Variants in PHRF1 observed in about 807,000 individuals in gnomAD.
PHRF1 encodes PHD and ring finger domains 1, also known as PHD and RING finger domain-containing protein 1.
In PHRF1, 53 loss-of-function variants were observed where a neutral mutation model predicts 128.9. The observed-to-expected ratio is 0.41, with a 90% CI of 0.33 to 0.52. The LOEUF (loss-of-function observed/expected upper bound fraction) is 0.52, where lower values mean the gene tolerates loss of function less well. Among genes scored for constraint, PHRF1 ranks in the 20% least tolerant of loss-of-function variants. The pLI is 0.21. For synonymous variants in PHRF1, 1,178 were observed against 980.6 expected, an observed-to-expected ratio of 1.20 and a Z score of -3.76; for missense variants, 2,503 against 2,284.5, an observed-to-expected ratio of 1.10 and a Z score of -1.95.
rs757049356 is a variant in PHRF1, at chr11:610,721, C to T, written c.4637C>T (p.Pro1546Leu). The stretch of plus-strand genomic sequence containing the variant: ...GCCAGCAACTCGGAGGAGAAGACCC[C>T]GGCCCCCAGGCTAGCTGCGGAGAAA... ...TAASNSEEKTPAPRLAAEKTK... is the reference protein window; with the variant it reads ...TAASNSEEKTLAPRLAAEKTK... The change falls in exon 16 of 18, where the codon CCG becomes CTG. Residue 1546 changes from proline (P) to leucine (L), a missense_variant. Physicochemically the swap from Pro to Leu is moderately conservative, Grantham distance 98. Coordinates refer to ENST00000264555, the MANE Select transcript of PHRF1 (RefSeq NM_001286581.2). 157 of 1,602,338 alleles carry T rather than the reference C, an allele frequency of 9.8e-5. 1 individual carries two copies. Among genetic ancestry groups the T allele is most frequent in the Middle Eastern group, 1.6e-4 (1 of 6,084 alleles).
chr11:582,957 C>CT (rs1854296264), intron 3 of PHRF1, among the ~76,000 whole-genome samples: 1 of 150,596 alleles, frequency 6.6e-6, no homozygotes, highest in Non-Finnish European at 1.5e-5. Context: ...TGGTGTGAAC[C>CT]TAGGAGGTGG....
chr11:604,143 T>C (rs990366460), intron 10 of PHRF1, among the ~76,000 whole-genome samples: 2 of 152,236 alleles, frequency 1.3e-5, no homozygotes, highest in African/African-American at 4.8e-5. Context: ...TCCCCTGGGC[T>C]CTCCCTTTGC....
chr11:581,279 T>C (rs12293073), intron 1 of PHRF1, among the ~76,000 whole-genome samples: 15 of 152,166 alleles, frequency 9.9e-5, no homozygotes, highest in African/African-American at 3.1e-4. Context: ...TCACGTGCTG[T>C]GGCGGTGGAT....
At chr11:611,549 C>T (rs533846551) in intron 17 of PHRF1, 85 bp from the exon 18 acceptor site, 75 of 1,582,378 alleles carry the variant, frequency 4.7e-5, no homozygotes, top group Admixed American at 2.6e-4. Flanking sequence ...GCAGGGCAGG[C>T]GAGGGAGCCC....
chr11:606,824 G>T, intron 13 of PHRF1: 1 of 861,026 alleles, frequency 1.2e-6, no homozygotes, highest in Non-Finnish European at 1.7e-6. Context: ...TCCTGATGGG[G>T]TACTGCCCCC....
chr11:579,270 T>TTTTCCCCCCAGCC (rs1854072009), intron 1 of PHRF1, among the ~76,000 whole-genome samples: 9 of 150,624 alleles, frequency 6.0e-5, no homozygotes, highest in South Asian at 2.1e-4. Flanking sequence ...CCAGCCCTGC[T>TTTTCCCCCCAGCC]CTGTTATCTC....
At chr11:599,918 G>C (rs564808229) in intron 9 of PHRF1, among the ~76,000 whole-genome samples, 2 of 152,326 alleles carry the variant, frequency 1.3e-5, no homozygotes, top group Admixed American at 1.3e-4. Flanking sequence ...ACCTGTGTCT[G>C]TGGCTGATTT....
intron 4 of PHRF1, among the ~76,000 whole-genome samples, chr11:590,517 A>T (rs139365947): frequency 5.1e-4 from 77 of 152,274 alleles, no homozygotes; most frequent in African/African-American, 1.7e-3. Flanking sequence ...GGGCCCGAAG[A>T]CCAGGGTGGG....
In PHRF1 at chr11:592,545, C is replaced by A. The variant is rs773643327; in HGVS notation, c.505-14C>A. On this transcript the variant is annotated splice_polypyrimidine_tract_variant and intron_variant, in intron 5 of 17. Coordinates refer to ENST00000264555, the MANE Select transcript of PHRF1 (RefSeq NM_001286581.2). ...TTGGGTCCTGTGTGGTGGTGACCGA[C>A]GATTCTGTCCTAGATCCCAGTGGAG... The A allele has an allele frequency of 6.2e-7, 1 of 1,612,882 alleles. No homozygotes were observed. The highest frequency in any genetic ancestry group is 1.7e-5 in the Admixed American group (1 of 60,034).
chr11:604,308 G>A (rs904706366), intron 10 of PHRF1, among the ~76,000 whole-genome samples: 1 of 152,198 alleles, frequency 6.6e-6, no homozygotes, highest in African/African-American at 2.4e-5. Context: ...CTGGGGGCCC[G>A]ATGGCACGTG....
Position 609,390 on chromosome 11 carries a change from G to A in PHRF1, c.3934G>A (p.Ala1312Thr). Residue 1312 changes from alanine (A) to threonine (T), a missense_variant, in exon 14 of 18, where the codon GCC becomes ACC. Transcript: ENST00000264555. ...DFPLKPALPP[A>T]SLAVAAIQRE... ...CCCACTGAAGCCTGCGTTGCCCCCA[G>A]CCAGCCTGGCCGTGGCCGCCATCCA... is the stretch of plus-strand genomic sequence containing the variant. 1.9e-6 allele frequency: 3 copies of A among 1,611,256 alleles called. No individual in the cohort carries two copies. The highest frequency in any genetic ancestry group is 2.5e-6 in the Non-Finnish European group (3 of 1,179,866).
At position 608,694 on chromosome 11, in the gene PHRF1, G is replaced by A. The variant is rs767982100; in HGVS notation, c.3238G>A (p.Gly1080Ser). 1.2e-6 allele frequency: 2 copies of A among 1,610,306 alleles called. No individual in the cohort carries two copies. Among genetic ancestry groups the A allele is most frequent in the Non-Finnish European group, 1.7e-6 (2 of 1,179,190 alleles). ...AKDKSREHRRGPWGHSRRTSR... is the reference protein window; with the variant it reads ...AKDKSREHRRSPWGHSRRTSR... ...GGACAAGAGCAGGGAGCACAGGCGG[G>A]GCCCCTGGGGCCACAGCCGGAGGAC... is the stretch of plus-strand genomic sequence containing the variant. The change falls in exon 14 of 18, where the codon GGC becomes AGC. Residue 1080 changes from glycine (G) to serine (S), a missense_variant. Transcript: ENST00000264555.
chr11:581,423 C>T, intron 1 of PHRF1, 69 bp from the exon 2 acceptor site: 1 of 1,381,168 alleles, frequency 7.2e-7, no homozygotes, highest in Non-Finnish European at 1.0e-6. Flanking sequence ...GGGGAGAGGT[C>T]ATAACTCTTC....
At chr11:595,110 C>G (rs773154962) in intron 6 of PHRF1, among the ~76,000 whole-genome samples, 13 of 152,134 alleles carry the variant, frequency 8.5e-5, no homozygotes, top group Non-Finnish European at 1.6e-4. Context: ...ATCACCTGAG[C>G]TCAGGAGTTC....
At chr11:611,336 C>T (rs1019592144) in intron 17 of PHRF1, among the ~76,000 whole-genome samples, 1 of 152,218 alleles carries the variant, frequency 6.6e-6, no homozygotes, top group Non-Finnish European at 1.5e-5. Flanking sequence ...ACCCAGCCCA[C>T]GCCCAGCTTA....
Position 597,674 on chromosome 11 carries a change from C to T in PHRF1, c.894+104C>T. 7.2e-7 allele frequency: 1 copy of T among 1,389,946 alleles called. No individual in the cohort carries two copies. Among genetic ancestry groups the T allele is most frequent in the South Asian group, 1.4e-5 (1 of 73,076 alleles). The allele number at this position is 1,389,946 out of a possible 1,614,324, so 86.1% of individuals were successfully genotyped here. A position where few individuals can be genotyped will look rare whatever the true frequency, so the allele number is the denominator to read the frequency against. ...GGCGTCGTCGGCACTGTGGGGTCCGCCCGGCCCCGGTGGCTCATGTTGTTC... is the reference window on the plus strand; with the variant it reads ...GGCGTCGTCGGCACTGTGGGGTCCGTCCGGCCCCGGTGGCTCATGTTGTTC... On this transcript the variant is annotated intron_variant, in intron 8 of 17. Transcript: ENST00000264555. This position sits in a 1 kb window ranked among gnomAD's most constrained non-coding sequence, Gnocchi z 6.5.
At chr11:581,366 C>G in intron 1 of PHRF1, 126 bp from the exon 2 acceptor site, 1 of 735,542 alleles carries the variant, frequency 1.4e-6, no homozygotes, top group South Asian at 1.8e-5. Context: ...TCAGGGCTCA[C>G]TCTTCACGTG....
At chr11:598,226 G>A (rs1470022944) in intron 8 of PHRF1, 147 bp from the exon 9 acceptor site, 10 of 1,193,140 alleles carry the variant, frequency 8.4e-6, no homozygotes, top group South Asian at 1.6e-5. Context: ...GAGGAAGGCC[G>A]GGCCGTGGCT....
intron 15 of PHRF1, 49 bp from the exon 16 acceptor site, chr11:610,452 A>T: frequency 1.3e-6 from 2 of 1,573,718 alleles, no homozygotes; most frequent in Non-Finnish European, 8.6e-7. Flanking sequence ...TCCTGGGCAC[A>T]GAGCTGCTAG....
Sources: allele counts gnomAD v4.1 joint callset (sites outside exome capture counted in the v4.1 genomes callset), GRCh38; gene constraint gnomAD v4.1.1; non-coding constraint Gnocchi (gnomAD v3.1); transcripts MANE v1.5; gene names NCBI Gene and HGNC (gene_info 2026-07-23, HGNC 2026-07-21).